The following BRIP1 variants were observed in gnomAD, a reference collection of about 807,000 sequenced individuals.
The protein encoded by BRIP1 is BRCA1 interacting DNA helicase 1.
Under a neutral mutation model 119.7 loss-of-function variants are expected in BRIP1, and 88 were observed. The ratio of observed to expected loss-of-function variants is 0.74; its 90% CI spans 0.62 to 0.88. BRIP1 has a LOEUF of 0.88. BRIP1 is among the 40% of genes least tolerant of loss of function. The pLI is 0.00. For synonymous variants in BRIP1, 443 were observed against 496.5 expected (o/e 0.89, Z 1.43); for missense variants, 1,259 against 1,455.4 (o/e 0.87, Z 2.20).
In BRIP1 at chr17:61,690,561, A is replaced by G. The variant is rs1305839601; in HGVS notation, c.2575+2869T>C. On this transcript the variant is annotated intron_variant, in intron 18 of 19. Transcript: ENST00000259008. This position sits in a 1 kb window ranked among gnomAD's most constrained non-coding sequence, Gnocchi z 5.6. ...AATATCTATAGAAGGTATACAAAAGAAAAATGAGAAAGGAATCAAAGCATT... is the reference window on the plus strand; with the variant it reads ...AATATCTATAGAAGGTATACAAAAGGAAAATGAGAAAGGAATCAAAGCATT... Among the ~76,000 whole-genome samples, 2 of 152,222 alleles carry G rather than the reference A, an allele frequency of 1.3e-5. No homozygotes were observed. The highest frequency in any genetic ancestry group is 1.5e-5 in the Non-Finnish European group (1 of 68,026).
intron 14 of BRIP1, among the ~76,000 whole-genome samples, chr17:61,749,051 C>T (rs528095328): frequency 4.0e-5 from 6 of 151,756 alleles, no homozygotes; most frequent in African/African-American, 1.2e-4. Flanking sequence ...GCAAGAGAAT[C>T]GCTTGAACCT....
At position 61,804,906 on chromosome 17, in the gene BRIP1, A is replaced by C. The variant is rs937795797; in HGVS notation, c.919-3432T>G. 2.7e-5 allele frequency among the ~76,000 whole-genome samples: 4 copies of C among 150,792 alleles called. No individual in the cohort carries two copies. Among genetic ancestry groups the C allele is most frequent in the African/African-American group, 7.3e-5 (3 of 40,966 alleles). ...CTGAGCGCACTGGCTCATGCTTATAATCCTAACACTTTGAGAAGCCAAGGC... is the reference window on the plus strand; with the variant it reads ...CTGAGCGCACTGGCTCATGCTTATACTCCTAACACTTTGAGAAGCCAAGGC... On this transcript the variant is annotated intron_variant, in intron 7 of 19. Transcript: ENST00000259008. This position sits in a 1 kb window ranked among gnomAD's most constrained non-coding sequence, Gnocchi z 4.5.
chr17:61,763,915 A>C (rs1157862586), intron 14 of BRIP1, among the ~76,000 whole-genome samples: 1 of 152,204 alleles, frequency 6.6e-6, no homozygotes, highest in Non-Finnish European at 1.5e-5. Flanking sequence ...AAGGATGGAA[A>C]GACACTAGAT....
rs946564914 is a variant in BRIP1 at position 61,713,190 on chromosome 17, A to G, written c.2492+2761T>C. On this transcript the variant is annotated intron_variant, in intron 17 of 19. Transcript: ENST00000259008. This position sits in a 1 kb window ranked among gnomAD's most constrained non-coding sequence, Gnocchi z 4.9. ...ACTGTGCTGCTAGTCTTATAAAAGT[A>G]TAGCACATACAATTATGTATGGTAT... is the stretch of plus-strand genomic sequence containing the variant. Among the ~76,000 whole-genome samples, 7 of 152,236 alleles carry G rather than the reference A, an allele frequency of 4.6e-5. No homozygotes were observed. Among genetic ancestry groups the G allele is most frequent in the African/African-American group, 1.7e-4 (7 of 41,460 alleles).
intron 14 of BRIP1, among the ~76,000 whole-genome samples, chr17:61,749,307 G>GA (rs1008600589): frequency 6.6e-6 from 1 of 151,062 alleles, no homozygotes; most frequent in South Asian, 2.1e-4. Context: ...AAAGTAAAGG[G>GA]AAAAAAAAGA....
chr17:61,732,695 C>T (rs1490160502), intron 16 of BRIP1, among the ~76,000 whole-genome samples: 1 of 151,610 alleles, frequency 6.6e-6, no homozygotes. Flanking sequence ...ATATCATTAA[C>T]ATTTTTTTTT....
intron 4 of BRIP1, 49 bp from the exon 5 acceptor site, chr17:61,849,305 C>G (rs532160879): frequency 6.5e-7 from 1 of 1,536,702 alleles, no homozygotes; most frequent in African/African-American, 1.4e-5. Flanking sequence ...TACAGGTAGG[C>G]AATTTTTCTA....
intron 14 of BRIP1, among the ~76,000 whole-genome samples, chr17:61,764,896 A>G (rs2077329147): frequency 1.3e-5 from 2 of 152,104 alleles, no homozygotes; most frequent in African/African-American, 4.8e-5. Context: ...GTCCCCTCCC[A>G]AAGTCATGTT....
rs1271879734 is a variant in BRIP1, at chr17:61,860,523, G to T, written c.94-616C>A. Among the ~76,000 whole-genome samples the T allele has an allele frequency of 6.6e-6, 1 of 152,176 alleles. No homozygotes were observed. Among genetic ancestry groups the T allele is most frequent in the Non-Finnish European group, 1.5e-5 (1 of 68,022 alleles). The stretch of plus-strand genomic sequence containing the variant: ...AAAAATCCAAAAATTAGCTGGGCGT[G>T]GTGGCGCATCCCTGTAATCCCAGCT... On this transcript the variant is annotated intron_variant, in intron 2 of 19. Transcript: ENST00000259008. This position sits in a 1 kb window ranked among gnomAD's most constrained non-coding sequence, Gnocchi z 4.1.
At chr17:61,763,198 A>G (rs1324102219) in intron 14 of BRIP1, among the ~76,000 whole-genome samples, 1 of 152,120 alleles carries the variant, frequency 6.6e-6, no homozygotes, top group Non-Finnish European at 1.5e-5. Flanking sequence ...CACTTAGTCT[A>G]ATGTCCTCCA....
Position 61,693,283 on chromosome 17 carries a change from T to TA in BRIP1, c.2575+146dup, listed in dbSNP as rs2061474442. ...TTATGTAAGATTTAAAAGTTCTAGA[T>TA]ATCTGCTGTGAAATACTGTGCTTAT... On this transcript the variant is annotated intron_variant, in intron 18 of 19. Coordinates refer to ENST00000259008, the MANE Select transcript of BRIP1 (RefSeq NM_032043.3). This position sits in a 1 kb window ranked among gnomAD's most constrained non-coding sequence, Gnocchi z 4.2. 2 of 747,094 alleles carry TA rather than the reference T, an allele frequency of 2.7e-6. No individual in the cohort carries two copies. The highest frequency in any genetic ancestry group is 3.5e-5 in the African/African-American group (2 of 56,898). The allele number at this position is 747,094 out of a possible 1,614,324, so 46.3% of individuals were successfully genotyped here.
intron 6 of BRIP1, among the ~76,000 whole-genome samples, chr17:61,837,604 G>A (rs2145670065): frequency 6.6e-6 from 1 of 152,188 alleles, no homozygotes; most frequent in Non-Finnish European, 1.5e-5. Context: ...TGGCTATTGT[G>A]AGGATTTACT....
chr17:61,859,958 G>A, intron 2 of BRIP1, 51 bp from the exon 3 acceptor site: 1 of 1,279,890 alleles, frequency 7.8e-7, no homozygotes, highest in Non-Finnish European at 1.1e-6. Flanking sequence ...CTTTATAAAG[G>A]TCTCTCTCCA....
chr17:61,735,675 G>C lies in BRIP1; in HGVS notation c.2379+7338C>G, dbSNP rs2076907948. ...AATTAGCTGGGTGTGGTGGCGTGTG[G>C]CTGTAGTGCCAGCTACCCAGGAGGC... is the stretch of plus-strand genomic sequence containing the variant. On this transcript the variant is annotated intron_variant, in intron 16 of 19. Coordinates refer to ENST00000259008, the MANE Select transcript of BRIP1 (RefSeq NM_032043.3). The surrounding 1 kb of genome is among the most constrained non-coding windows in gnomAD (Gnocchi z 4.4). 6.6e-6 allele frequency among the ~76,000 whole-genome samples: 1 copy of C among 151,868 alleles called. No homozygotes were observed. Among genetic ancestry groups the C allele is most frequent in the Non-Finnish European group, 1.5e-5 (1 of 67,942 alleles).
Position 61,730,776 on chromosome 17 carries a change from T to A in BRIP1, c.2379+12237A>T, listed in dbSNP as rs1366214196. On this transcript the variant is annotated intron_variant, in intron 16 of 19. Transcript: ENST00000259008. This position sits in a 1 kb window ranked among gnomAD's most constrained non-coding sequence, Gnocchi z 4.3. Reference sequence around the variant, plus strand: ...AGGAGAAAAAGGTTATCAACCGAACTTGCTTAAAATTTTGGGATTTTAAAT... The same window carrying A: ...AGGAGAAAAAGGTTATCAACCGAACATGCTTAAAATTTTGGGATTTTAAAT... Among the ~76,000 whole-genome samples the A allele has an allele frequency of 6.6e-6, 1 of 152,162 alleles. No individual in the cohort carries two copies. Among genetic ancestry groups the A allele is most frequent in the African/African-American group, 2.4e-5 (1 of 41,448 alleles).
At position 61,704,919 on chromosome 17, in the gene BRIP1, A is replaced by AT. The variant is rs1374254947; in HGVS notation, c.2492+11031dup. ...TTTTATTGATCTTTTCAAAGAGTCT[A>AT]TTTTTTTCTGTTTTTCAACTTTTAT... On this transcript the variant is annotated intron_variant, in intron 17 of 19. Transcript: ENST00000259008. The surrounding 1 kb of genome is among the most constrained non-coding windows in gnomAD (Gnocchi z 5.7). 6.6e-6 allele frequency among the ~76,000 whole-genome samples: 1 copy of AT among 151,552 alleles called. No individual in the cohort carries two copies. Among genetic ancestry groups the AT allele is most frequent in the East Asian group, 1.9e-4 (1 of 5,148 alleles).
intron 16 of BRIP1, among the ~76,000 whole-genome samples, chr17:61,718,960 A>C (rs1262912439): frequency 6.6e-6 from 1 of 152,194 alleles, no homozygotes; most frequent in Non-Finnish European, 1.5e-5. Flanking sequence ...TAGTTGTTAC[A>C]TTGTAGTGTT....
rs1277663729 is a variant in BRIP1 at position 61,753,291 on chromosome 17, C to T, written c.2098-8700G>A. Among the ~76,000 whole-genome samples, 1 of 152,126 alleles carries T rather than the reference C, an allele frequency of 6.6e-6. No homozygotes were observed. ...TTTTAAAAAATAAATCACCCAGTTT[C>T]AGGTAGTCTGTTACAAGCAACAGAA... is the stretch of plus-strand genomic sequence containing the variant. On this transcript the variant is annotated intron_variant, in intron 14 of 19. Coordinates refer to ENST00000259008, the MANE Select transcript of BRIP1 (RefSeq NM_032043.3). This position sits in a 1 kb window ranked among gnomAD's most constrained non-coding sequence, Gnocchi z 4.6.
At chr17:61,697,037 C>T (rs1466654362) in intron 17 of BRIP1, among the ~76,000 whole-genome samples, 2 of 143,260 alleles carry the variant, frequency 1.4e-5, no homozygotes, top group Non-Finnish European at 1.5e-5. Flanking sequence ...CAAATTCTAT[C>T]TTTACTTGTT....
Sources: allele counts gnomAD v4.1 joint callset (sites outside exome capture counted in the v4.1 genomes callset), GRCh38; gene constraint gnomAD v4.1.1; non-coding constraint Gnocchi (gnomAD v3.1); transcripts MANE v1.5; gene names NCBI Gene and HGNC (gene_info 2026-07-23, HGNC 2026-07-21).